LRRC4C: variants seen among roughly 807,000 people sequenced by gnomAD.
LRRC4C encodes the protein leucine rich repeat containing 4C, also known as leucine-rich repeat-containing protein 4C.
In LRRC4C, 5 loss-of-function variants were observed where a neutral mutation model predicts 33.6. That is an observed-to-expected ratio of 0.15 (90% confidence interval 0.08 to 0.31). LRRC4C has a LOEUF of 0.31. LRRC4C is among the 10% of genes least tolerant of loss of function. The pLI is 1.00. For missense variants in LRRC4C, 560 were observed against 796.7 expected (o/e 0.70, Z 3.58); for synonymous variants, 329 against 302.0 (o/e 1.09, Z -0.93).
At chr11:40,225,630 T>C (rs1864734899) in intron 5 of LRRC4C, among the ~76,000 whole-genome samples, 1 of 151,734 alleles carries the variant, frequency 6.6e-6, no homozygotes, top group African/African-American at 2.4e-5. Flanking sequence ...TTTTTTTTTT[T>C]TTTTGAGACA....
chr11:41,347,244 GAATAGATTTTTAAAAT>G (rs1951832175), intron 1 of LRRC4C, among the ~76,000 whole-genome samples: 1 of 152,160 alleles, frequency 6.6e-6, no homozygotes, highest in African/African-American at 2.4e-5. Context: ...CTTTCATAAT[GAATAGATTTTTAAAAT>G]TGCATTTTCT....
chr11:41,275,647 C>T (rs1245045493), intron 1 of LRRC4C, among the ~76,000 whole-genome samples: 1 of 152,058 alleles, frequency 6.6e-6, no homozygotes, highest in Non-Finnish European at 1.5e-5. Context: ...AAATTTATCC[C>T]AAGGGGAGAC....
chr11:40,839,185 A>G (rs1409306661), intron 2 of LRRC4C, among the ~76,000 whole-genome samples: 1 of 152,154 alleles, frequency 6.6e-6, no homozygotes, highest in Non-Finnish European at 1.5e-5. Context: ...TTCAACTTCC[A>G]GATAGAATAT....
At chr11:41,216,906 T>C (rs891204609) in intron 1 of LRRC4C, among the ~76,000 whole-genome samples, 1 of 152,238 alleles carries the variant, frequency 6.6e-6, no homozygotes, top group Non-Finnish European at 1.5e-5. Flanking sequence ...TATTGCTCAC[T>C]TGATTCTTTA....
intron 1 of LRRC4C, among the ~76,000 whole-genome samples, chr11:41,212,133 G>A (rs1946849394): frequency 6.6e-6 from 1 of 152,208 alleles, no homozygotes. Flanking sequence ...TGGCATCAGA[G>A]ACAATATTGA....
chr11:41,435,468 G>A (rs1044824615), intron 1 of LRRC4C, among the ~76,000 whole-genome samples: 1 of 152,146 alleles, frequency 6.6e-6, no homozygotes, highest in Non-Finnish European at 1.5e-5. Flanking sequence ...ACAATAAGAT[G>A]TTGGTTTCTC....
chr11:41,233,966 G>C (rs1322108155), intron 1 of LRRC4C, among the ~76,000 whole-genome samples: 2 of 146,130 alleles, frequency 1.4e-5, no homozygotes, highest in East Asian at 3.9e-4. Flanking sequence ...TTCTCCAAAA[G>C]CTTTTTTTTT....
chr11:41,176,033 T>G (rs1393158338), intron 1 of LRRC4C, among the ~76,000 whole-genome samples: 1 of 152,194 alleles, frequency 6.6e-6, no homozygotes, highest in African/African-American at 2.4e-5. Context: ...AGAATATTTT[T>G]TTTTCAGTTT....
At chr11:40,384,163 T>C (rs1949011947) in intron 3 of LRRC4C, among the ~76,000 whole-genome samples, 1 of 151,998 alleles carries the variant, frequency 6.6e-6, no homozygotes, top group Non-Finnish European at 1.5e-5. Flanking sequence ...ATTCAAGAAA[T>C]CATTGTATTG....
chr11:41,048,978 G>A lies in LRRC4C; in HGVS notation c.-495-115255C>T, dbSNP rs1565335042. 3.3e-5 allele frequency among the ~76,000 whole-genome samples: 5 copies of A among 152,298 alleles called. 1 individual carries two copies. The South Asian group carries it at 8.3e-4, about 25-fold the overall frequency. ...TTGTATGCAGTGGGCAGATTGATTCGTAATGAGTTTGAAGAGTTAGGCAGG... is the reference window on the plus strand; with the variant it reads ...TTGTATGCAGTGGGCAGATTGATTCATAATGAGTTTGAAGAGTTAGGCAGG... On this transcript the variant is annotated intron_variant, in intron 1 of 6. Transcript: ENST00000528697.
rs746729118 is a variant in LRRC4C at position 40,114,572 on chromosome 11, T to C, written c.1721A>G (p.Glu574Gly). Residue 574 changes from glutamate to glycine, a missense_variant, in exon 7 of 7, where the codon GAG becomes GGG. Coordinates refer to ENST00000528697, the MANE Select transcript of LRRC4C (RefSeq NM_001258419.2). Reference protein sequence around the residue: ...RTVEIINVDDEITGDTPMESH... With the variant: ...RTVEIINVDDGITGDTPMESH... ...TTCCATGGGTGTGTCTCCCGTAATC[T>C]CATCATCCACATTAATAATTTCAAC... is the stretch of plus-strand genomic sequence containing the variant. 2 of 1,614,172 alleles carry C rather than the reference T, an allele frequency of 1.2e-6. No homozygotes were observed. Among genetic ancestry groups the C allele is most frequent in the Non-Finnish European group, 1.7e-6 (2 of 1,180,032 alleles).
rs573267833 is a variant in LRRC4C, at chr11:40,697,885, C to T, written c.-406-49607G>A. On this transcript the variant is annotated intron_variant, in intron 2 of 6. Coordinates refer to ENST00000528697, the MANE Select transcript of LRRC4C (RefSeq NM_001258419.2). ...GAGATAGAGACCATCCTGGCTAACACGGTGAAACTCGTCTCTACTAAAAAT... is the reference window on the plus strand; with the variant it reads ...GAGATAGAGACCATCCTGGCTAACATGGTGAAACTCGTCTCTACTAAAAAT... Among the ~76,000 whole-genome samples, 13 of 151,918 alleles carry T rather than the reference C, an allele frequency of 8.6e-5. No individual in the cohort carries two copies. The South Asian group carries it at 1.9e-3, about 22-fold the overall frequency.
At chr11:41,181,299 C>T (rs147090677) in intron 1 of LRRC4C, among the ~76,000 whole-genome samples, 88 of 152,126 alleles carry the variant, frequency 5.8e-4, no homozygotes, top group Non-Finnish European at 2.1e-4. Flanking sequence ...TTTATAAACA[C>T]CGAATCTGGA....
intron 2 of LRRC4C, among the ~76,000 whole-genome samples, chr11:40,776,266 AT>A (rs1949989877): frequency 8.4e-6 from 1 of 119,258 alleles, no homozygotes; most frequent in Non-Finnish European, 1.9e-5. Flanking sequence ...CTCCTCCTGG[AT>A]TTTTCTCTTT....
chr11:40,152,416 T>G (rs1858298571), intron 5 of LRRC4C, among the ~76,000 whole-genome samples: 2 of 152,102 alleles, frequency 1.3e-5, no homozygotes, highest in Non-Finnish European at 2.9e-5. Context: ...ACTTTGTTAC[T>G]ATTTGAAGGG....
intron 1 of LRRC4C, among the ~76,000 whole-genome samples, chr11:41,332,198 A>T (rs1222361935): frequency 1.3e-5 from 2 of 152,176 alleles, no homozygotes; most frequent in Non-Finnish European, 2.9e-5. Context: ...AGCCCAAGTT[A>T]CTAGATACCC....
chr11:41,066,488 A>G (rs992019246), intron 1 of LRRC4C, among the ~76,000 whole-genome samples: 6 of 152,238 alleles, frequency 3.9e-5, no homozygotes, highest in African/African-American at 1.4e-4. Context: ...GTTGAAAAAC[A>G]CACTTGAGGA....
intron 3 of LRRC4C, among the ~76,000 whole-genome samples, chr11:40,590,558 T>A (rs1958993488): frequency 6.6e-6 from 1 of 152,152 alleles, no homozygotes; most frequent in African/African-American, 2.4e-5. Context: ...GGCGCTCTGC[T>A]TTTTAGAGTT....
intron 3 of LRRC4C, among the ~76,000 whole-genome samples, chr11:40,479,692 T>C (rs1402155558): frequency 2.6e-5 from 4 of 152,178 alleles, no homozygotes; most frequent in African/African-American, 9.7e-5. Context: ...TGCTCATATG[T>C]AACTGGTATT....
Sources: gnomAD v4.1 joint callset for allele counts (sites outside exome capture counted in the v4.1 genomes callset) on GRCh38, gnomAD v4.1.1 for gene constraint, MANE v1.5 for transcripts, NCBI Gene and HGNC (gene_info 2026-07-23, HGNC 2026-07-21) for gene names.